Variants in DOCK4 observed in about 807,000 individuals in gnomAD.
The protein encoded by DOCK4 is dedicator of cytokinesis protein 4.
A neutral mutation model predicts 268.1 loss-of-function variants in DOCK4; 97 were observed. The observed-to-expected ratio is 0.36, with a 90% CI of 0.31 to 0.43. The LOEUF (loss-of-function observed/expected upper bound fraction) is 0.43. Ranked by LOEUF, DOCK4 falls within the 20% of genes least tolerant of loss-of-function variation. DOCK4 has a pLI of 1.00. For missense variants in DOCK4, 2,145 were observed against 2,455.7 expected (o/e 0.87, Z 2.67); for synonymous variants, 954 against 887.2 (o/e 1.08, Z -1.34).
At position 111,834,690 on chromosome 7, in the gene DOCK4, A is replaced by C. The variant is rs1174127644; in HGVS notation, c.2737-4T>G. 1.3e-6 allele frequency: 2 copies of C among 1,509,042 alleles called. No homozygotes were observed. Among genetic ancestry groups the C allele is most frequent in the Non-Finnish European group, 1.8e-6 (2 of 1,129,828 alleles). The allele number at this position is 1,509,042 out of a possible 1,614,324, so 93.5% of individuals were successfully genotyped here. On this transcript the variant is annotated splice_region_variant and splice_polypyrimidine_tract_variant and intron_variant, in intron 25 of 52. Transcript: ENST00000428084. ...GGAGACAAGCAACAAACTCCCCCTA[A>C]GTTAAAAAAAAAAAAAGCATACATT...
intron 12 of DOCK4, 82 bp from the exon 13 acceptor site, chr7:111,915,986 A>G (rs1792551297): frequency 7.0e-7 from 1 of 1,421,552 alleles, no homozygotes; most frequent in Non-Finnish European, 9.6e-7. Flanking sequence ...ACAAGCCCAA[A>G]TTTAGAATAT....
At chr7:112,186,722 A>C (rs532495059) in intron 1 of DOCK4, among the ~76,000 whole-genome samples, 61 of 152,344 alleles carry the variant, frequency 4.0e-4, no homozygotes, top group African/African-American at 1.5e-3. Context: ...TAAGACACCC[A>C]CAGAGAAACC....
intron 33 of DOCK4, 44 bp downstream of exon 33, chr7:111,784,053 C>T (rs778820349): frequency 6.3e-7 from 1 of 1,578,242 alleles, no homozygotes. Flanking sequence ...TTAGCAACCA[C>T]TGCAACATCT....
At chr7:112,083,292 T>C (rs1361330695) in intron 1 of DOCK4, among the ~76,000 whole-genome samples, 1 of 152,076 alleles carries the variant, frequency 6.6e-6, no homozygotes, top group African/African-American at 2.4e-5. Flanking sequence ...GGCTCTCACA[T>C]CTATCATCTC....
chr7:111,788,993 T>C (rs1053345540), intron 31 of DOCK4: 6 of 535,052 alleles, frequency 1.1e-5, no homozygotes, highest in African/African-American at 9.5e-5. Flanking sequence ...ATCTATTTGT[T>C]GATTCAAACA....
At chr7:111,888,726 T>C (rs182698338) in intron 16 of DOCK4, among the ~76,000 whole-genome samples, 1 of 152,264 alleles carries the variant, frequency 6.6e-6, no homozygotes, top group Non-Finnish European at 1.5e-5. Flanking sequence ...CACCACTCCA[T>C]CTTCCCCCCT....
intron 1 of DOCK4, among the ~76,000 whole-genome samples, chr7:112,039,153 T>C (rs953327976): frequency 6.6e-6 from 1 of 152,170 alleles, no homozygotes; most frequent in African/African-American, 2.4e-5. Context: ...TCCCCCAGAA[T>C]CATCATCCAT....
intron 1 of DOCK4, among the ~76,000 whole-genome samples, chr7:112,063,672 A>T (rs1420713920): frequency 1.3e-5 from 2 of 152,206 alleles, no homozygotes; most frequent in African/African-American, 4.8e-5. Flanking sequence ...GTACAATCAT[A>T]AGAAAAAAGG....
At chr7:112,119,370 A>AAT (rs1411865284) in intron 1 of DOCK4, among the ~76,000 whole-genome samples, 12 of 151,854 alleles carry the variant, frequency 7.9e-5, no homozygotes, top group African/African-American at 2.7e-4. Context: ...ATAAAGGGCA[A>AAT]ATATGTCCAG....
At chr7:112,125,455 G>A (rs548749180) in intron 1 of DOCK4, among the ~76,000 whole-genome samples, 1 of 152,314 alleles carries the variant, frequency 6.6e-6, no homozygotes, top group South Asian at 2.1e-4. Context: ...CCCAATGAAT[G>A]CAGCAGTGTA....
chr7:112,036,683 C>T (rs1163362257), intron 1 of DOCK4, among the ~76,000 whole-genome samples: 4 of 134,512 alleles, frequency 3.0e-5, no homozygotes, highest in East Asian at 2.2e-4. Flanking sequence ...TTTCCGGAGA[C>T]GGAGTCTCGC....
chr7:112,190,186 C>G (rs1819822994), intron 1 of DOCK4, among the ~76,000 whole-genome samples: 1 of 152,182 alleles, frequency 6.6e-6, no homozygotes, highest in Admixed American at 6.5e-5. Flanking sequence ...TTCATTGATT[C>G]AACACTTACT....
intron 42 of DOCK4, among the ~76,000 whole-genome samples, chr7:111,751,521 T>A (rs1563452263): frequency 1.3e-5 from 2 of 152,174 alleles, no homozygotes; most frequent in African/African-American, 2.4e-5. Context: ...CTTGGCTCAC[T>A]GCAACCTCCA....
chr7:111,899,021 G>A (rs1179019746), intron 15 of DOCK4, among the ~76,000 whole-genome samples: 2 of 152,104 alleles, frequency 1.3e-5, no homozygotes, highest in African/African-American at 4.8e-5. Flanking sequence ...AAAGATTGAT[G>A]GAAGAAATAG....
chr7:111,746,159 C>G (rs995105300), intron 44 of DOCK4, among the ~76,000 whole-genome samples, 175 bp downstream of exon 44: 1 of 152,092 alleles, frequency 6.6e-6, no homozygotes, highest in Non-Finnish European at 1.5e-5. Flanking sequence ...ATTTTTGCAT[C>G]GGAGTGGGAA....
chr7:111,970,154 C>T (rs565817221), intron 8 of DOCK4, among the ~76,000 whole-genome samples: 87 of 152,250 alleles, frequency 5.7e-4, no homozygotes, highest in Non-Finnish European at 8.4e-4. Context: ...TTATGACACA[C>T]TGGTGAGTAA....
intron 1 of DOCK4, among the ~76,000 whole-genome samples, chr7:112,171,487 C>G: frequency 6.9e-6 from 1 of 145,562 alleles, no homozygotes; most frequent in African/African-American, 2.5e-5. Context: ...TTCACTTTAT[C>G]TTTAATATAA....
At chr7:111,953,975 T>C (rs768004539) in intron 8 of DOCK4, among the ~76,000 whole-genome samples, 1 of 152,206 alleles carries the variant, frequency 6.6e-6, no homozygotes, top group Non-Finnish European at 1.5e-5. Context: ...TACTGTTCTT[T>C]CTTGAAGACA....
intron 31 of DOCK4, among the ~76,000 whole-genome samples, chr7:111,789,640 T>C (rs1799398089): frequency 6.6e-6 from 1 of 152,238 alleles, no homozygotes; most frequent in Admixed American, 6.5e-5. Flanking sequence ...TGAAAATAAA[T>C]GTGTATACCG....
Sources: gnomAD v4.1 joint callset for allele counts (sites outside exome capture counted in the v4.1 genomes callset) on GRCh38, gnomAD v4.1.1 for gene constraint, MANE v1.5 for transcripts, NCBI Gene and HGNC (gene_info 2026-07-23, HGNC 2026-07-21) for gene names.